The following AUTS2 variants were observed in gnomAD, a reference collection of about 807,000 sequenced individuals.
The protein encoded by AUTS2 is autism susceptibility gene 2 protein.
Under a neutral mutation model 112.4 loss-of-function variants are expected in AUTS2, and 17 were observed. The ratio of observed to expected loss-of-function variants is 0.15; its 90% CI spans 0.10 to 0.23. The LOEUF (loss-of-function observed/expected upper bound fraction) is 0.23. AUTS2 is among the 10% of genes least tolerant of loss of function. AUTS2 has a pLI of 1.00. For missense variants in AUTS2, 1,510 were observed against 1,701.6 expected (o/e 0.89, Z 1.98); for synonymous variants, 751 against 702.7 (o/e 1.07, Z -1.09).
At chr7:70,664,215 C>T (rs1807217370) in intron 5 of AUTS2, among the ~76,000 whole-genome samples, 1 of 152,244 alleles carries the variant, frequency 6.6e-6, no homozygotes, top group African/African-American at 2.4e-5. Flanking sequence ...CTTATCCCTT[C>T]AGTCAAATGC....
At chr7:70,749,721 G>A (rs1229673103) in intron 6 of AUTS2, among the ~76,000 whole-genome samples, 3 of 152,162 alleles carry the variant, frequency 2.0e-5, no homozygotes, top group African/African-American at 7.2e-5. Flanking sequence ...GAACAGACTT[G>A]AGGAGAAGTT....
chr7:69,884,193 A>G (rs1794176430), intron 1 of AUTS2, among the ~76,000 whole-genome samples: 1 of 152,256 alleles, frequency 6.6e-6, no homozygotes, highest in Non-Finnish European at 1.5e-5. Context: ...TGAGTTATGT[A>G]CTTAGTAACT....
At chr7:70,527,720 G>T (rs887648891) in intron 5 of AUTS2, among the ~76,000 whole-genome samples, 5 of 152,184 alleles carry the variant, frequency 3.3e-5, no homozygotes, top group African/African-American at 1.2e-4. Context: ...ACTCTACAGG[G>T]AAGTTGTTAT....
intron 6 of AUTS2, among the ~76,000 whole-genome samples, chr7:70,721,198 T>G (rs1786638830): frequency 6.6e-6 from 1 of 151,898 alleles, no homozygotes; most frequent in South Asian, 2.1e-4. Context: ...AAGGCTGGTA[T>G]TGTTACTGCT....
At chr7:70,364,611 AAAT>A (rs1792478238) in intron 4 of AUTS2, among the ~76,000 whole-genome samples, 6 of 148,042 alleles carry the variant, frequency 4.1e-5, no homozygotes, top group Non-Finnish European at 7.4e-5. Flanking sequence ...ATAAATAAAT[AAAT>A]AAAAATTAAA....
At chr7:70,603,207 C>T (rs1338009859) in intron 5 of AUTS2, among the ~76,000 whole-genome samples, 2 of 131,338 alleles carry the variant, frequency 1.5e-5, no homozygotes, top group Non-Finnish European at 3.4e-5. Flanking sequence ...TGTCCCATTA[C>T]CCCATTTTCC....
chr7:70,259,866 G>A (rs922589867), intron 4 of AUTS2, among the ~76,000 whole-genome samples: 2 of 152,194 alleles, frequency 1.3e-5, no homozygotes, highest in Non-Finnish European at 2.9e-5. Context: ...AAGTTTGAGT[G>A]AAGTCAGAAT....
At position 70,628,257 on chromosome 7, in the gene AUTS2, C is replaced by T. The variant is rs565674282; in HGVS notation, c.691-70312C>T. 3.0e-4 allele frequency among the ~76,000 whole-genome samples: 40 copies of T among 131,260 alleles called. No individual in the cohort carries two copies. In the South Asian group the frequency reaches 9.7e-3, roughly 32 times the overall value. 86.1% of individuals were successfully genotyped at this position (131,260 alleles called of 152,430 possible). A position where few individuals can be genotyped will look rare whatever the true frequency, so the allele number is the denominator to read the frequency against. ...CATGAAGCTCTTGAAGCTTAAGCTG[C>T]AGGGCCCCTGGGGAGGGGCCACATG... is the stretch of plus-strand genomic sequence containing the variant. On this transcript the variant is annotated intron_variant, in intron 5 of 18. Coordinates refer to ENST00000342771, the MANE Select transcript of AUTS2 (RefSeq NM_015570.4).
chr7:70,250,102 C>G (rs1470789036), intron 4 of AUTS2, among the ~76,000 whole-genome samples: 1 of 151,956 alleles, frequency 6.6e-6, no homozygotes, highest in Non-Finnish European at 1.5e-5. Flanking sequence ...CCATTCCCTT[C>G]AAAGCAAGAC....
rs568712327 is a variant in AUTS2, at chr7:69,878,098, T to C, written c.310-21188T>C. On this transcript the variant is annotated intron_variant, in intron 1 of 18. Transcript: ENST00000342771. ...AGAGAATGTGAGGGAGACAGGTTGGTATCCTAATCCTAATCCCACAGCAGA... is the reference window on the plus strand; with the variant it reads ...AGAGAATGTGAGGGAGACAGGTTGGCATCCTAATCCTAATCCCACAGCAGA... Among the ~76,000 whole-genome samples the C allele has an allele frequency of 7.4e-4, 112 of 152,184 alleles. 4 individuals are homozygous for C. Among genetic ancestry groups the C allele is most frequent in the South Asian group, 2.5e-3 (12 of 4,818 alleles).
At chr7:70,228,335 T>A (rs149920123) in intron 4 of AUTS2, among the ~76,000 whole-genome samples, 1 of 152,022 alleles carries the variant, frequency 6.6e-6, no homozygotes, top group African/African-American at 2.4e-5. Context: ...AATGTATCGC[T>A]TTTAGAAAGC....
intron 15 of AUTS2, chr7:70,781,995 C>A (rs886983144): frequency 9.3e-6 from 5 of 535,734 alleles, no homozygotes; most frequent in Middle Eastern, 4.9e-4. Flanking sequence ...CACATTGCTT[C>A]GGTTCATTAT....
At chr7:70,344,165 T>G (rs1394683132) in intron 4 of AUTS2, among the ~76,000 whole-genome samples, 2 of 152,120 alleles carry the variant, frequency 1.3e-5, no homozygotes, top group Non-Finnish European at 2.9e-5. Flanking sequence ...ATCCCAGCCC[T>G]GGGTTTTTGT....
chr7:69,921,269 A>T (rs904474290), intron 2 of AUTS2, among the ~76,000 whole-genome samples: 2 of 150,098 alleles, frequency 1.3e-5, no homozygotes, highest in Non-Finnish European at 3.0e-5. Flanking sequence ...CCAAAGCAGG[A>T]TGCATTGAGA....
chr7:70,153,937 G>C (rs946147322), intron 4 of AUTS2, among the ~76,000 whole-genome samples: 1 of 152,134 alleles, frequency 6.6e-6, no homozygotes, highest in Non-Finnish European at 1.5e-5. Context: ...GCTCAAAATT[G>C]CTCTCTGATA....
chr7:70,657,267 T>C (rs548512447), intron 5 of AUTS2, among the ~76,000 whole-genome samples: 16 of 152,332 alleles, frequency 1.1e-4, no homozygotes, highest in Admixed American at 2.6e-4. Flanking sequence ...GGATACATTA[T>C]ACAAGAAAAT....
At chr7:69,811,270 G>A (rs1005169906) in intron 1 of AUTS2, among the ~76,000 whole-genome samples, 2 of 151,912 alleles carry the variant, frequency 1.3e-5, no homozygotes, top group Non-Finnish European at 2.9e-5. Flanking sequence ...CACTCAAAAG[G>A]TTTTCTTCTC....
intron 2 of AUTS2, among the ~76,000 whole-genome samples, chr7:69,953,193 GGT>G (rs1797091510): frequency 1.3e-5 from 2 of 152,038 alleles, no homozygotes; most frequent in Non-Finnish European, 2.9e-5. Context: ...AGAATGGTGG[GGT>G]GTGAGGAGTT....
intron 2 of AUTS2, among the ~76,000 whole-genome samples, chr7:70,030,025 GA>G (rs1800703673): frequency 1.3e-5 from 2 of 152,172 alleles, no homozygotes; most frequent in Admixed American, 1.3e-4. Flanking sequence ...TAGGTATAAG[GA>G]AACCTTTCCA....
Sources: gnomAD v4.1 joint callset for allele counts (sites outside exome capture counted in the v4.1 genomes callset) on GRCh38, gnomAD v4.1.1 for gene constraint, MANE v1.5 for transcripts, NCBI Gene and HGNC (gene_info 2026-07-23, HGNC 2026-07-21) for gene names.